MTUS1: variants seen among roughly 807,000 people sequenced by gnomAD.
MTUS1 encodes microtubule-associated tumor suppressor 1.
MTUS1 carries 109 observed loss-of-function variants against 120.8 expected under a neutral mutation model. The ratio of observed to expected loss-of-function variants is 0.90; its 90% CI spans 0.77 to 1.06. The LOEUF (loss-of-function observed/expected upper bound fraction) is 1.06, where lower values mean the gene tolerates loss of function less well. Ranked by LOEUF, MTUS1 falls within the 50% of genes least tolerant of loss-of-function variation. MTUS1 has a pLI of 0.00. For synonymous variants in MTUS1, 737 were observed against 550.5 expected (o/e 1.34, Z -4.74); for missense variants, 2,210 against 1,486.3 (o/e 1.49, Z -8.01).
intron 6 of MTUS1, chr8:17,705,908 A>G (rs982993785): frequency 6.6e-6 from 1 of 152,232 alleles, no homozygotes; most frequent in Non-Finnish European, 1.5e-5. Flanking sequence ...GCTTTAGTGT[A>G]TGGTAGAACC....
At chr8:17,674,842 T>C (rs1812755011) in intron 8 of MTUS1, 3 of 1,101,990 alleles carry the variant, frequency 2.7e-6, no homozygotes, top group Non-Finnish European at 2.2e-6. Flanking sequence ...ACTTTCACTA[T>C]TCTCATATGA....
At chr8:17,772,502 T>C (rs377445861) in intron 1 of MTUS1, among the ~76,000 whole-genome samples, 2 of 152,322 alleles carry the variant, frequency 1.3e-5, no homozygotes, top group Middle Eastern at 3.4e-3. Flanking sequence ...TGCTTCCCAG[T>C]AGAAGAGGCC....
In MTUS1 at chr8:17,723,758, G is replaced by C. The variant is rs373133775; in HGVS notation, c.2363C>G (p.Ser788Cys). The C allele has an allele frequency of 1.4e-5, 23 of 1,610,406 alleles. No homozygotes were observed. The highest frequency in any genetic ancestry group is 7.7e-5 in the South Asian group (7 of 90,944). ...LPRPLPKSKA[S>C]LKSPALRRTG... ...CCTCCGCAGCGCAGGACTTTTCAAA[G>C]ATGCTTTGGATTTAGGAAGTGGTCT... The change falls in exon 4 of 15, where the codon TCT (serine) becomes TGT (cysteine). Residue 788 changes from serine (S) to cysteine (C), a missense_variant. Physicochemically the swap from Ser to Cys is moderately radical, Grantham distance 112. Transcript: ENST00000693296.
At chr8:17,772,101 C>A (rs1172665848) in intron 1 of MTUS1, among the ~76,000 whole-genome samples, 1 of 152,184 alleles carries the variant, frequency 6.6e-6, no homozygotes, top group Admixed American at 6.5e-5. Flanking sequence ...AGTTTACCAT[C>A]ATCTTGCCTC....
chr8:17,722,195 C>T, intron 4 of MTUS1: 2 of 1,045,104 alleles, frequency 1.9e-6, no homozygotes, highest in Non-Finnish European at 2.3e-6. Context: ...ACTTTACAGC[C>T]TCCTTAGGAG....
chr8:17,767,853 A>C (rs2049682387), intron 1 of MTUS1, among the ~76,000 whole-genome samples: 2 of 152,138 alleles, frequency 1.3e-5, no homozygotes, highest in South Asian at 4.1e-4. Context: ...CTGCCAAAGG[A>C]GTTATGATGG....
chr8:17,779,569 A>ACACT (rs946331525), intron 1 of MTUS1, among the ~76,000 whole-genome samples: 10 of 152,226 alleles, frequency 6.6e-5, no homozygotes, highest in Non-Finnish European at 1.2e-4. Context: ...AATGATAATG[A>ACACT]CACTCACTCA....
At chr8:17,741,511 C>T (rs114937559) in intron 3 of MTUS1, among the ~76,000 whole-genome samples, 2,549 of 152,278 alleles carry the variant, frequency 0.017, 35 homozygotes, top group South Asian at 0.045. Flanking sequence ...TTATCAAGCT[C>T]ATCGACACAG....
intron 2 of MTUS1, among the ~76,000 whole-genome samples, chr8:17,749,829 G>T (rs1388316547): frequency 6.6e-6 from 1 of 152,104 alleles, no homozygotes; most frequent in Non-Finnish European, 1.5e-5. Context: ...AAAGCAAGCT[G>T]TACCTCGATC....
rs1040223638 is a variant in MTUS1 at position 17,704,531 on chromosome 8, C to G, written c.2623+8683G>C. ...CAGTACTATCTACAAAAAGACTATC[C>G]TTTCCCTATTGTGTATTCTTGGCAC... is the stretch of plus-strand genomic sequence containing the variant. On this transcript the variant is annotated intron_variant, in intron 6 of 14. Coordinates refer to ENST00000693296, the MANE Select transcript of MTUS1 (RefSeq NM_001363059.2). 3.9e-5 allele frequency among the ~76,000 whole-genome samples: 6 copies of G among 152,290 alleles called. 2 individuals are homozygous for G. In the South Asian group the frequency reaches 1.2e-3, roughly 32 times the overall value.
At chr8:17,786,233 C>G (rs1360611586) in intron 1 of MTUS1, among the ~76,000 whole-genome samples, 1 of 152,162 alleles carries the variant, frequency 6.6e-6, no homozygotes, top group Admixed American at 6.5e-5. Flanking sequence ...ATCACCAACA[C>G]ACGCACGAGC....
intron 6 of MTUS1, among the ~76,000 whole-genome samples, chr8:17,702,836 C>G (rs1819367820): frequency 6.6e-6 from 1 of 152,184 alleles, no homozygotes; most frequent in South Asian, 2.1e-4. Flanking sequence ...TGCAGGGAGT[C>G]AGGGACCCCG....
intron 4 of MTUS1, among the ~76,000 whole-genome samples, 160 bp from the exon 5 acceptor site, chr8:17,716,061 T>C (rs1311205210): frequency 6.6e-6 from 1 of 152,186 alleles, no homozygotes; most frequent in South Asian, 2.1e-4. Flanking sequence ...AACAGGTAGC[T>C]TGTGTCTCAG....
At chr8:17,697,374 A>G in intron 6 of MTUS1, 1 of 1,614,042 alleles carries the variant, frequency 6.2e-7, no homozygotes, top group Middle Eastern at 1.6e-4. Flanking sequence ...GGAGACAACA[A>G]CATGTCTTCG....
At chr8:17,689,279 G>C (rs1429609609) in intron 6 of MTUS1, among the ~76,000 whole-genome samples, 1 of 152,076 alleles carries the variant, frequency 6.6e-6, no homozygotes, top group Non-Finnish European at 1.5e-5. Flanking sequence ...GGAGGGAGGA[G>C]GATTTAGGAT....
At chr8:17,646,285 G>A in intron 14 of MTUS1, 146 bp from the exon 15 acceptor site, 2 of 980,648 alleles carry the variant, frequency 2.0e-6, no homozygotes, top group South Asian at 1.8e-5. Flanking sequence ...GTATTTGGCT[G>A]GCTAAGAAAA....
Position 17,754,255 on chromosome 8 carries a change from G to T in MTUS1, c.1553C>A (p.Ala518Glu). 2 of 1,614,056 alleles carry T rather than the reference G, an allele frequency of 1.2e-6. No individual in the cohort carries two copies. Among genetic ancestry groups the T allele is most frequent in the South Asian group, 1.1e-5 (1 of 91,054 alleles). Residue 518 changes from alanine to glutamate, a missense_variant, in exon 2 of 15, where the codon GCA (alanine) becomes GAA (glutamate). Transcript: ENST00000693296. ...AGCAGCATCTTTGGGCTGCAACACTGCTCTAGACATAACTTTTGCTTTGAC... is the reference window on the plus strand; with the variant it reads ...AGCAGCATCTTTGGGCTGCAACACTTCTCTAGACATAACTTTTGCTTTGAC... The part of the protein sequence containing the change: ...KNVKAKVMSR[A>E]VLQPKDAALS...
intron 8 of MTUS1, among the ~76,000 whole-genome samples, chr8:17,666,989 G>C (rs1049735532): frequency 6.6e-6 from 1 of 152,148 alleles, no homozygotes; most frequent in African/African-American, 2.4e-5. Flanking sequence ...ACACAATAAA[G>C]TTTGGGAGCC....
intron 6 of MTUS1, among the ~76,000 whole-genome samples, chr8:17,699,088 G>C (rs542789879): frequency 3.7e-4 from 57 of 152,202 alleles, no homozygotes; most frequent in African/African-American, 1.3e-3. Context: ...CAGAAGAACA[G>C]AGTCAAATTT....
Sources: allele counts gnomAD v4.1 joint callset (sites outside exome capture counted in the v4.1 genomes callset), GRCh38; gene constraint gnomAD v4.1.1; transcripts MANE v1.5; gene names NCBI Gene and HGNC (gene_info 2026-07-23, HGNC 2026-07-21).